TNFRSF19: variants seen among roughly 807,000 people sequenced by gnomAD.
The protein encoded by TNFRSF19 is tumor necrosis factor receptor superfamily member 19.
Under a neutral mutation model 46.4 loss-of-function variants are expected in TNFRSF19, and 27 were observed. The ratio of observed to expected loss-of-function variants is 0.58; its 90% CI spans 0.43 to 0.80. The LOEUF is 0.80. Among genes scored for constraint, TNFRSF19 ranks in the 30% least tolerant of loss-of-function variants. The pLI is 0.00. For missense variants in TNFRSF19, 511 were observed against 530.8 expected, an observed-to-expected ratio of 0.96 and a Z score of 0.37; for synonymous variants, 204 against 205.0, an observed-to-expected ratio of 1.00 and a Z score of 0.04.
intron 5 of TNFRSF19, among the ~76,000 whole-genome samples, chr13:23,651,893 TAAAAAAAA>T (rs34023907): frequency 1.0e-4 from 1 of 9,966 alleles, no homozygotes; most frequent in African/African-American, 3.5e-4. Flanking sequence ...CATAACATGC[TAAAAAAAA>T]AAAAAAAAAA....
intron 1 of TNFRSF19, among the ~76,000 whole-genome samples, chr13:23,572,548 A>G (rs1341386042): frequency 6.6e-6 from 1 of 152,208 alleles, no homozygotes; most frequent in Non-Finnish European, 1.5e-5. Flanking sequence ...TTTAACAAAT[A>G]CAGGCTCTCC....
At chr13:23,600,344 G>C (rs1380734177) in intron 3 of TNFRSF19, among the ~76,000 whole-genome samples, 1 of 152,130 alleles carries the variant, frequency 6.6e-6, no homozygotes, top group African/African-American at 2.4e-5. Flanking sequence ...AGCCTCCCCT[G>C]GAGCCAGCAC....
intron 5 of TNFRSF19, among the ~76,000 whole-genome samples, chr13:23,651,893 T>TAAA (rs34023907): frequency 0.11 from 1,093 of 9,896 alleles, 87 homozygotes; most frequent in Non-Finnish European, 0.16. Flanking sequence ...CATAACATGC[T>TAAA]AAAAAAAAAA....
At chr13:23,662,667 A>G (rs1040299291) in intron 7 of TNFRSF19, among the ~76,000 whole-genome samples, 4 of 152,108 alleles carry the variant, frequency 2.6e-5, no homozygotes, top group African/African-American at 9.7e-5. Flanking sequence ...TGAGCATGTG[A>G]TGTTTTTTCA....
chr13:23,591,056 T>C (rs7987593), intron 2 of TNFRSF19, among the ~76,000 whole-genome samples: 51,227 of 152,134 alleles, frequency 0.34, 9,031 homozygotes, highest in East Asian at 0.54. Context: ...GATTTATGAA[T>C]GTGTTCAAAA....
chr13:23,658,821 G>A (rs781217349), intron 5 of TNFRSF19, among the ~76,000 whole-genome samples: 4 of 152,198 alleles, frequency 2.6e-5, no homozygotes, highest in Admixed American at 6.5e-5. Context: ...TGTCCGTAGC[G>A]CTCTGGGAAC....
rs1054960765 is a variant in TNFRSF19, at chr13:23,570,728, A to G, written c.-155A>G. The G allele has an allele frequency of 6.6e-6, 1 of 152,164 alleles. No individual in the cohort carries two copies. The highest frequency in any genetic ancestry group is 1.5e-5 in the Non-Finnish European group (1 of 68,034). The allele number at this position is 152,164 out of a possible 1,614,324, so 9.4% of individuals were successfully genotyped here. On this transcript the variant is annotated 5_prime_UTR_variant, in exon 1 of 10. The change abolishes an upstream ATG in the 5' untranslated region. Coordinates refer to ENST00000248484, the MANE Select transcript of TNFRSF19 (RefSeq NM_148957.4). ...CCCTGCTCGTCTGCCTTTGATCTGC[A>G]TGGTTAATTTTATTTTCCTGGATTT...
At chr13:23,614,394 G>A (rs1451799515) in intron 3 of TNFRSF19, among the ~76,000 whole-genome samples, 2 of 152,122 alleles carry the variant, frequency 1.3e-5, no homozygotes, top group Admixed American at 1.3e-4. Context: ...TTAATTTTTG[G>A]CCAATAAGTA....
intron 4 of TNFRSF19, among the ~76,000 whole-genome samples, chr13:23,623,543 T>G (rs1881807496): frequency 6.6e-6 from 1 of 152,224 alleles, no homozygotes; most frequent in Non-Finnish European, 1.5e-5. Context: ...CCATAGCGGC[T>G]GCACCATTTT....
intron 4 of TNFRSF19, among the ~76,000 whole-genome samples, chr13:23,621,537 C>T (rs956449528): frequency 1.3e-5 from 2 of 152,270 alleles, no homozygotes; most frequent in African/African-American, 4.8e-5. Flanking sequence ...ATTGTAAAAC[C>T]GGAGCTGTTC....
At chr13:23,671,595 C>G (rs1224556298) in intron 9 of TNFRSF19, among the ~76,000 whole-genome samples, 3 of 151,940 alleles carry the variant, frequency 2.0e-5, no homozygotes, top group Non-Finnish European at 4.4e-5. Context: ...GGGCCTGGTC[C>G]TCCTCTTTAT....
intron 4 of TNFRSF19, among the ~76,000 whole-genome samples, chr13:23,617,323 A>G (rs1272003770): frequency 2.0e-5 from 3 of 152,210 alleles, no homozygotes; most frequent in Non-Finnish European, 2.9e-5. Context: ...TAAGGCAGCC[A>G]GGTCCAGGGA....
intron 5 of TNFRSF19, among the ~76,000 whole-genome samples, chr13:23,645,047 A>G (rs942560050): frequency 4.6e-5 from 7 of 152,204 alleles, no homozygotes; most frequent in Non-Finnish European, 1.0e-4. Context: ...TTCAAATCAC[A>G]TTTTGGTTTC....
intron 5 of TNFRSF19, among the ~76,000 whole-genome samples, chr13:23,644,173 C>T (rs2138345221): frequency 6.6e-6 from 1 of 152,306 alleles, no homozygotes; most frequent in South Asian, 2.1e-4. Flanking sequence ...ACCAATGTTG[C>T]AACATTGCTC....
chr13:23,592,996 T>TA (rs397704342), intron 2 of TNFRSF19, among the ~76,000 whole-genome samples: 9 of 149,586 alleles, frequency 6.0e-5, no homozygotes, highest in Non-Finnish European at 8.9e-5. Flanking sequence ...GTTTTTTTTT[T>TA]AAATATCTTC....
At chr13:23,615,485 T>C (rs1475934170) in intron 3 of TNFRSF19, among the ~76,000 whole-genome samples, 1 of 152,222 alleles carries the variant, frequency 6.6e-6, no homozygotes, top group African/African-American at 2.4e-5. Context: ...AAGTACTGAT[T>C]TTCTGCCTTA....
chr13:23,600,166 A>G (rs1386404356), intron 3 of TNFRSF19, among the ~76,000 whole-genome samples: 1 of 152,244 alleles, frequency 6.6e-6, no homozygotes, highest in African/African-American at 2.4e-5. Context: ...GTTGATTAAG[A>G]AATCATTTTT....
At chr13:23,634,020 A>G (rs956010451) in intron 5 of TNFRSF19, among the ~76,000 whole-genome samples, 26 of 152,228 alleles carry the variant, frequency 1.7e-4, no homozygotes, top group African/African-American at 6.0e-4. Context: ...CATAGCCCTA[A>G]TTTCATTAAA....
chr13:23,625,232 A>G (rs780347740), intron 4 of TNFRSF19, among the ~76,000 whole-genome samples: 20 of 150,234 alleles, frequency 1.3e-4, no homozygotes, highest in Admixed American at 9.3e-4. Flanking sequence ...CTGGCATTCT[A>G]TTGCCTTGGG....
Sources: gnomAD v4.1 joint callset for allele counts (sites outside exome capture counted in the v4.1 genomes callset) on GRCh38, gnomAD v4.1.1 for gene constraint, MANE v1.5 for transcripts, NCBI Gene and HGNC (gene_info 2026-07-23, HGNC 2026-07-21) for gene names.